The following KSR1 variants were observed in gnomAD, a reference collection of about 807,000 sequenced individuals.
The protein encoded by KSR1 is kinase suppressor of ras.
In KSR1, 35 loss-of-function variants were observed where a neutral mutation model predicts 92.9. The observed-to-expected ratio is 0.38, with a 90% CI of 0.29 to 0.50. KSR1 has a LOEUF of 0.50. KSR1 is among the 20% of genes least tolerant of loss of function. The pLI is 0.94. For missense variants in KSR1, 972 were observed against 1,158.5 expected (o/e 0.84, Z 2.34); for synonymous variants, 467 against 472.6 (o/e 0.99, Z 0.15).
chr17:27,545,793 G>A (rs950943190), intron 1 of KSR1, among the ~76,000 whole-genome samples: 1 of 152,232 alleles, frequency 6.6e-6, no homozygotes, highest in African/African-American at 2.4e-5. Context: ...GGGACCGAGT[G>A]CCTCAAAGCT....
intron 2 of KSR1, 118 bp downstream of exon 2, chr17:27,550,826 T>G (rs1014280539): frequency 3.2e-6 from 2 of 631,630 alleles, no homozygotes; most frequent in Admixed American, 2.2e-5. Flanking sequence ...CTCTCTAGTC[T>G]TGAGAAGGAG....
chr17:27,533,603 C>T (rs2070634371), intron 1 of KSR1, among the ~76,000 whole-genome samples: 1 of 152,096 alleles, frequency 6.6e-6, no homozygotes, highest in South Asian at 2.1e-4. Flanking sequence ...AGAATGGTCT[C>T]GATCTCTTGA....
intron 1 of KSR1, among the ~76,000 whole-genome samples, chr17:27,513,533 C>T (rs1297016646): frequency 1.3e-5 from 2 of 152,228 alleles, no homozygotes; most frequent in East Asian, 3.8e-4. Context: ...GAGGTAGCAT[C>T]ACTGCATCTC....
intron 2 of KSR1, among the ~76,000 whole-genome samples, chr17:27,573,712 T>G (rs2072396153): frequency 6.6e-6 from 1 of 152,186 alleles, no homozygotes; most frequent in Admixed American, 6.5e-5. Context: ...GCATGGAATA[T>G]TTGGAGGAGG....
chr17:27,597,589 C>A (rs577117484), intron 10 of KSR1, among the ~76,000 whole-genome samples, 153 bp downstream of exon 10: 102 of 152,296 alleles, frequency 6.7e-4, no homozygotes, highest in Non-Finnish European at 1.1e-3. Context: ...CACAATAGCT[C>A]TGAGGTTGAT....
At chr17:27,623,242 C>T in intron 20 of KSR1, 72 bp from the exon 21 acceptor site, 1 of 721,520 alleles carries the variant, frequency 1.4e-6, no homozygotes, top group Non-Finnish European at 2.5e-6. Context: ...GAACTCATTT[C>T]CTAGCTAGTG....
chr17:27,591,786 G>A (rs927380272), intron 7 of KSR1, among the ~76,000 whole-genome samples: 12 of 152,138 alleles, frequency 7.9e-5, no homozygotes, highest in South Asian at 2.1e-4. Context: ...GGGCTGTCCT[G>A]CGGTGCAGTA....
Position 27,590,900 on chromosome 17 carries a change from G to A in KSR1, c.1130+6G>A, listed in dbSNP as rs761974479. 1.9e-6 allele frequency: 3 copies of A among 1,608,252 alleles called. No individual in the cohort carries two copies. Among genetic ancestry groups the A allele is most frequent in the Admixed American group, 1.7e-5 (1 of 59,208 alleles). ...GTGAAGTGCAAGCATTGCAGGTGATGGGAAGAGGAGTGGGGGTGGGGGGAG... is the reference window on the plus strand; with the variant it reads ...GTGAAGTGCAAGCATTGCAGGTGATAGGAAGAGGAGTGGGGGTGGGGGGAG... On this transcript the variant is annotated splice_donor_region_variant and intron_variant, in intron 7 of 20. Coordinates refer to ENST00000644974, the MANE Select transcript of KSR1 (RefSeq NM_001394583.1).
intron 2 of KSR1, chr17:27,560,594 G>C (rs2071789600): frequency 1.7e-5 from 8 of 478,202 alleles, no homozygotes; most frequent in South Asian, 1.3e-4. Flanking sequence ...CACCATTTTG[G>C]TTTCCCAGTG....
intron 1 of KSR1, among the ~76,000 whole-genome samples, chr17:27,458,801 G>A (rs2019302966): frequency 1.3e-5 from 2 of 152,084 alleles, no homozygotes; most frequent in Admixed American, 6.6e-5. Context: ...CCCCTGGAGT[G>A]AGTTCCATGG....
chr17:27,469,704 C>G (rs536722590), intron 1 of KSR1, among the ~76,000 whole-genome samples: 96 of 152,192 alleles, frequency 6.3e-4, no homozygotes, highest in Admixed American at 1.4e-3. Flanking sequence ...CCCACTGTCC[C>G]CCGCCTTTCA....
At chr17:27,580,834 T>C (rs992307759) in intron 3 of KSR1, among the ~76,000 whole-genome samples, 1 of 152,198 alleles carries the variant, frequency 6.6e-6, no homozygotes, top group Non-Finnish European at 1.5e-5. Context: ...TGGCGCGATC[T>C]TGGCTCACTG....
At chr17:27,554,203 T>C (rs891928898) in intron 2 of KSR1, among the ~76,000 whole-genome samples, 3 of 152,160 alleles carry the variant, frequency 2.0e-5, no homozygotes, top group Admixed American at 1.3e-4. Flanking sequence ...ATGCCAGAGG[T>C]TGCAGTTTTT....
chr17:27,488,669 TA>T (rs1265284818), intron 1 of KSR1, among the ~76,000 whole-genome samples: 2 of 152,120 alleles, frequency 1.3e-5, no homozygotes, highest in Admixed American at 1.3e-4. Flanking sequence ...CTGTCTCTAT[TA>T]AAAAATAATA....
At chr17:27,622,958 A>G (rs2074265046) in intron 20 of KSR1, 1 of 300,004 alleles carries the variant, frequency 3.3e-6, no homozygotes, top group African/African-American at 2.3e-5. Context: ...CACTCCTGGT[A>G]TCCTGGGAGT....
At chr17:27,561,148 A>T (rs528621313) in intron 2 of KSR1, among the ~76,000 whole-genome samples, 11 of 152,330 alleles carry the variant, frequency 7.2e-5, no homozygotes, top group Admixed American at 6.5e-4. Flanking sequence ...GGGAGATCTG[A>T]TGATCCCCTG....
intron 1 of KSR1, among the ~76,000 whole-genome samples, chr17:27,478,298 C>G (rs2068405561): frequency 6.6e-6 from 1 of 152,152 alleles, no homozygotes. Context: ...GTCAGACAGC[C>G]TGAGTGTGAC....
chr17:27,504,421 G>A (rs1017085037), intron 1 of KSR1, among the ~76,000 whole-genome samples: 1 of 152,192 alleles, frequency 6.6e-6, no homozygotes, highest in South Asian at 2.1e-4. Context: ...TGGGATATGG[G>A]GGGGAGAAGG....
chr17:27,483,054 C>G (rs2068555692), intron 1 of KSR1, among the ~76,000 whole-genome samples: 1 of 152,132 alleles, frequency 6.6e-6, no homozygotes, highest in African/African-American at 2.4e-5. Context: ...ATTGCGCAGG[C>G]CTTGTCCCTG....
Sources: allele counts gnomAD v4.1 joint callset (sites outside exome capture counted in the v4.1 genomes callset), GRCh38; gene constraint gnomAD v4.1.1; transcripts MANE v1.5; gene names NCBI Gene and HGNC (gene_info 2026-07-23, HGNC 2026-07-21).